The following DOCK2 variants were observed in gnomAD, a reference collection of about 807,000 sequenced individuals.
DOCK2 encodes dedicator of cytokinesis 2.
A neutral mutation model predicts 248.9 loss-of-function variants in DOCK2; 87 were observed. That is an observed-to-expected ratio of 0.35 (90% CI 0.29 to 0.42). The LOEUF is 0.42. Ranked by LOEUF, DOCK2 falls within the 10% of genes least tolerant of loss-of-function variation. The pLI, the probability that DOCK2 is intolerant of heterozygous loss-of-function variation, is 1.00. For synonymous variants in DOCK2, 805 were observed against 821.6 expected (o/e 0.98, Z 0.35); for missense variants, 1,747 against 2,300.2 (o/e 0.76, Z 4.92).
intron 27 of DOCK2, chr5:169,883,923 A>G: frequency 6.8e-7 from 1 of 1,464,736 alleles, no homozygotes; most frequent in African/African-American, 1.4e-5. Flanking sequence ...AAGGATCAGG[A>G]CCATACACTT....
intron 27 of DOCK2, chr5:169,883,626 G>T (rs1327608558): frequency 6.4e-7 from 1 of 1,551,534 alleles, no homozygotes; most frequent in Non-Finnish European, 8.7e-7. Context: ...TGTTGCGAAA[G>T]CCCCCTGCCT....
chr5:169,785,358 T>C (rs1024377139), intron 25 of DOCK2, among the ~76,000 whole-genome samples: 14 of 152,224 alleles, frequency 9.2e-5, no homozygotes, highest in African/African-American at 3.4e-4. Flanking sequence ...TCTGATCATC[T>C]TGCTCTTCCA....
intron 27 of DOCK2, among the ~76,000 whole-genome samples, chr5:169,861,891 T>G: frequency 6.6e-6 from 1 of 152,320 alleles, no homozygotes; most frequent in Admixed American, 6.5e-5. Context: ...TGGCTGTATT[T>G]CTAGAAATGT....
chr5:169,892,411 G>C (rs1156629073), intron 27 of DOCK2, among the ~76,000 whole-genome samples: 1 of 152,252 alleles, frequency 6.6e-6, no homozygotes, highest in Non-Finnish European at 1.5e-5. Flanking sequence ...GTGACACATT[G>C]AGTTGAAGGC....
chr5:169,839,701 A>G (rs1481661918), intron 26 of DOCK2, among the ~76,000 whole-genome samples: 1 of 152,166 alleles, frequency 6.6e-6, no homozygotes, highest in Non-Finnish European at 1.5e-5. Flanking sequence ...CTCACTGTAA[A>G]TTTCCACCCA....
chr5:169,681,077 A>C (rs1335656750), intron 6 of DOCK2, among the ~76,000 whole-genome samples: 1 of 143,858 alleles, frequency 7.0e-6, no homozygotes, highest in African/African-American at 2.6e-5. Context: ...TTATAGATAG[A>C]TCACTGTTGA....
intron 26 of DOCK2, among the ~76,000 whole-genome samples, chr5:169,827,289 G>A (rs988624663): frequency 2.6e-5 from 4 of 152,086 alleles, no homozygotes; most frequent in African/African-American, 9.7e-5. Flanking sequence ...GGGGGTTGGA[G>A]AGGAGCTGCA....
intron 22 of DOCK2, among the ~76,000 whole-genome samples, chr5:169,741,497 A>T (rs949944204): frequency 1.3e-5 from 2 of 152,198 alleles, no homozygotes; most frequent in Admixed American, 1.3e-4. Context: ...GTCTTAAAGT[A>T]TTATGATTTT....
At chr5:169,795,363 A>C (rs1253042328) in intron 25 of DOCK2, among the ~76,000 whole-genome samples, 1 of 152,112 alleles carries the variant, frequency 6.6e-6, no homozygotes, top group Non-Finnish European at 1.5e-5. Flanking sequence ...TTTAGCTGGG[A>C]GATACATTTT....
chr5:169,813,248 AT>A (rs1439454260), intron 26 of DOCK2, among the ~76,000 whole-genome samples: 1 of 152,216 alleles, frequency 6.6e-6, no homozygotes, highest in Non-Finnish European at 1.5e-5. Flanking sequence ...AATAAACTAT[AT>A]TAAAATCTAA....
At chr5:169,811,396 A>G (rs1451224121) in intron 26 of DOCK2, among the ~76,000 whole-genome samples, 2 of 152,208 alleles carry the variant, frequency 1.3e-5, no homozygotes, top group African/African-American at 4.8e-5. Context: ...CTTCTAACCT[A>G]TCTGCTCCCT....
intron 27 of DOCK2, among the ~76,000 whole-genome samples, chr5:169,968,517 A>G (rs970849684): frequency 3.9e-5 from 6 of 152,198 alleles, no homozygotes; most frequent in African/African-American, 1.4e-4. Flanking sequence ...TGGGGGGTCA[A>G]TGTTCAGGGG....
At chr5:169,934,887 A>G in intron 27 of DOCK2, 1 of 357,606 alleles carries the variant, frequency 2.8e-6, no homozygotes, top group East Asian at 7.6e-5. Context: ...ACCACCTTAC[A>G]CTTGATATTT....
At chr5:169,813,322 C>T (rs1029987688) in intron 26 of DOCK2, among the ~76,000 whole-genome samples, 2 of 152,190 alleles carry the variant, frequency 1.3e-5, no homozygotes, top group African/African-American at 4.8e-5. Flanking sequence ...TTTTTATCTA[C>T]CCTCTTGAGG....
chr5:169,741,803 ATTTTTT>A (rs33955559), intron 22 of DOCK2, among the ~76,000 whole-genome samples: 1 of 82,416 alleles, frequency 1.2e-5, no homozygotes, highest in Non-Finnish European at 2.3e-5. Flanking sequence ...ATCTTTTACT[ATTTTTT>A]TTTTTTTTTT....
chr5:169,901,144 C>T (rs1322931055), intron 27 of DOCK2, among the ~76,000 whole-genome samples: 1 of 152,058 alleles, frequency 6.6e-6, no homozygotes, highest in Non-Finnish European at 1.5e-5. Context: ...GTGATGTTTG[C>T]ATTGAGGAGG....
intron 27 of DOCK2, among the ~76,000 whole-genome samples, chr5:169,914,842 A>G (rs1376035563): frequency 6.6e-6 from 1 of 152,208 alleles, no homozygotes; most frequent in African/African-American, 2.4e-5. Flanking sequence ...ACACTTTTGC[A>G]TCCCATGGAG....
chr5:169,683,843 G>GT (rs1205226018), intron 7 of DOCK2, among the ~76,000 whole-genome samples: 2 of 152,172 alleles, frequency 1.3e-5, no homozygotes, highest in Non-Finnish European at 2.9e-5. Context: ...TGTCAGATAT[G>GT]TTTTGCAAGT....
intron 27 of DOCK2, among the ~76,000 whole-genome samples, chr5:169,941,263 C>T (rs1216084969): frequency 6.6e-6 from 1 of 152,144 alleles, no homozygotes; most frequent in Non-Finnish European, 1.5e-5. Context: ...GGCTGGAATG[C>T]AATGGATAAT....
Sources: allele counts gnomAD v4.1 joint callset (sites outside exome capture counted in the v4.1 genomes callset), GRCh38; gene constraint gnomAD v4.1.1; transcripts MANE v1.5; gene names NCBI Gene and HGNC (gene_info 2026-07-23, HGNC 2026-07-21).